SLC16A4: variants seen among roughly 807,000 people sequenced by gnomAD.
SLC16A4 encodes probable monocarboxylate transporter 5.
Under a neutral mutation model 47.9 loss-of-function variants are expected in SLC16A4, and 39 were observed. That is an observed-to-expected ratio of 0.81 (90% CI 0.63 to 1.06). The LOEUF (loss-of-function observed/expected upper bound fraction) is 1.06. SLC16A4 is among the 50% of genes least tolerant of loss of function. The pLI is 0.00. For missense variants in SLC16A4, 524 were observed against 573.8 expected, an observed-to-expected ratio of 0.91 and a Z score of 0.89; for synonymous variants, 189 against 199.9, an observed-to-expected ratio of 0.95 and a Z score of 0.46.
At chr1:110,370,728 C>T (rs1027228413) in intron 8 of SLC16A4, 2 of 152,142 alleles carry the variant, frequency 1.3e-5, no homozygotes, top group African/African-American at 4.8e-5. Flanking sequence ...AATTGACTTA[C>T]AACTATTTGG....
intron 8 of SLC16A4, among the ~76,000 whole-genome samples, chr1:110,368,060 C>T (rs754196105): frequency 2.0e-5 from 3 of 152,194 alleles, no homozygotes; most frequent in East Asian, 1.9e-4. Flanking sequence ...GATCTCCTGA[C>T]CTCGTGATCT....
intron 3 of SLC16A4, 118 bp downstream of exon 3, chr1:110,382,716 A>G: frequency 6.9e-6 from 7 of 1,013,554 alleles, no homozygotes; most frequent in South Asian, 5.4e-5. Flanking sequence ...AGCGTTACAT[A>G]TCAGTAAATG....
chr1:110,380,255 C>T (rs1334700773), intron 5 of SLC16A4, among the ~76,000 whole-genome samples: 1 of 152,098 alleles, frequency 6.6e-6, no homozygotes, highest in African/African-American at 2.4e-5. Context: ...ATAGGTTCTG[C>T]TATCCTATCA....
chr1:110,364,370 A>G lies in SLC16A4; in HGVS notation c.1337-477T>C, dbSNP rs186340287. Among the ~76,000 whole-genome samples the G allele has an allele frequency of 2.5e-3, 376 of 152,208 alleles. 4 individuals are homozygous for G. Among genetic ancestry groups the G allele is most frequent in the African/African-American group, 8.6e-3 (357 of 41,514 alleles). On this transcript the variant is annotated intron_variant, in intron 8 of 8. Coordinates refer to ENST00000369779, the MANE Select transcript of SLC16A4 (RefSeq NM_004696.3). Reference sequence around the variant, plus strand: ...AACTTTAGTGGGGAGATAGGTACCAACCACATAAATGATATGTGATAAGTG... The same window carrying G: ...AACTTTAGTGGGGAGATAGGTACCAGCCACATAAATGATATGTGATAAGTG...
intron 3 of SLC16A4, 72 bp downstream of exon 3, chr1:110,382,761 CT>C: frequency 8.8e-6 from 12 of 1,366,156 alleles, no homozygotes; most frequent in Non-Finnish European, 1.2e-5. Flanking sequence ...CCTATTCAGT[CT>C]TGAATAGGAA....
chr1:110,367,861 C>T (rs1414798922), intron 8 of SLC16A4, among the ~76,000 whole-genome samples: 1 of 152,134 alleles, frequency 6.6e-6, no homozygotes, highest in African/African-American at 2.4e-5. Context: ...AGGAATCTCA[C>T]TCTGTTGCCC....
intron 5 of SLC16A4, 121 bp downstream of exon 5, chr1:110,380,861 C>G: frequency 2.4e-6 from 2 of 827,248 alleles, no homozygotes; most frequent in Admixed American, 2.3e-5. Context: ...TGCTCATTTC[C>G]TCTCTTGCAA....
chr1:110,387,946 G>A (rs747366223), intron 2 of SLC16A4, among the ~76,000 whole-genome samples: 19 of 116,450 alleles, frequency 1.6e-4, no homozygotes, highest in African/African-American at 5.9e-4. Flanking sequence ...TGTCTAGCAC[G>A]AGGGAGGAGG....
intron 1 of SLC16A4, among the ~76,000 whole-genome samples, chr1:110,389,770 G>GGA (rs56301428): frequency 0.44 from 67,136 of 151,970 alleles, 15,144 homozygotes; most frequent in Non-Finnish European, 0.51. Flanking sequence ...GGATGCAGCT[G>GGA]GACCATTATC....
chr1:110,388,930 G>A (rs1662877021), intron 2 of SLC16A4, among the ~76,000 whole-genome samples: 1 of 152,100 alleles, frequency 6.6e-6, no homozygotes, highest in East Asian at 1.9e-4. Context: ...GGCTGGTCTC[G>A]AACTCCTGAC....
intron 6 of SLC16A4, 29 bp downstream of exon 6, chr1:110,378,824 G>T: frequency 1.3e-6 from 2 of 1,558,736 alleles, no homozygotes; most frequent in South Asian, 1.2e-5. Flanking sequence ...CTTTCCTTTT[G>T]GGTAGGAGGC....
intron 6 of SLC16A4, among the ~76,000 whole-genome samples, chr1:110,378,162 A>C (rs1353551450): frequency 6.6e-6 from 1 of 152,158 alleles, no homozygotes; most frequent in Non-Finnish European, 1.5e-5. Flanking sequence ...ATTTTAACTT[A>C]TTTTAAATAT....
chr1:110,384,518 C>T (rs981980247), intron 2 of SLC16A4, among the ~76,000 whole-genome samples: 17 of 152,170 alleles, frequency 1.1e-4, no homozygotes, highest in African/African-American at 3.9e-4. Flanking sequence ...TTCTAGTTAG[C>T]CGGGGGGCTG....
At chr1:110,385,557 C>T (rs1235617543) in intron 2 of SLC16A4, among the ~76,000 whole-genome samples, 2 of 152,114 alleles carry the variant, frequency 1.3e-5, no homozygotes, top group Non-Finnish European at 2.9e-5. Context: ...CTATTGGTAC[C>T]ATCCACCCAT....
chr1:110,365,043 G>A (rs1298339168), intron 8 of SLC16A4, among the ~76,000 whole-genome samples: 1 of 151,972 alleles, frequency 6.6e-6, no homozygotes, highest in East Asian at 1.9e-4. Context: ...TTCCTAAAGG[G>A]TCTCAAGGAT....
intron 6 of SLC16A4, 125 bp from the exon 7 acceptor site, chr1:110,377,286 T>C: frequency 1.4e-6 from 1 of 711,738 alleles, no homozygotes; most frequent in South Asian, 1.8e-5. Flanking sequence ...AAAAATGATT[T>C]GATTTGTGTA....
At chr1:110,382,125 C>T (rs1158890638) in intron 3 of SLC16A4, among the ~76,000 whole-genome samples, 2 of 152,140 alleles carry the variant, frequency 1.3e-5, no homozygotes, top group African/African-American at 2.4e-5. Flanking sequence ...ATCTGCTCTT[C>T]CACCCTGTTA....
intron 8 of SLC16A4, among the ~76,000 whole-genome samples, chr1:110,368,119 C>T (rs1034036770): frequency 2.0e-5 from 3 of 152,170 alleles, no homozygotes; most frequent in African/African-American, 4.8e-5. Context: ...TGAGCCACTG[C>T]GCCCAGCCAA....
chr1:110,382,229 T>C (rs1662441059), intron 3 of SLC16A4, among the ~76,000 whole-genome samples: 2 of 152,158 alleles, frequency 1.3e-5, no homozygotes, highest in African/African-American at 4.8e-5. Flanking sequence ...GAGGCCAAGG[T>C]GGGCAGATCA....
Sources: gnomAD v4.1 joint callset for allele counts (sites outside exome capture counted in the v4.1 genomes callset) on GRCh38, gnomAD v4.1.1 for gene constraint, MANE v1.5 for transcripts, NCBI Gene and HGNC (gene_info 2026-07-23, HGNC 2026-07-21) for gene names.